LRP2: variants seen among roughly 807,000 people sequenced by gnomAD.
The protein encoded by LRP2 is low-density lipoprotein receptor-related protein 2.
LRP2 carries 172 observed loss-of-function variants against 531.0 expected under a neutral mutation model. The ratio of observed to expected loss-of-function variants is 0.32; its 90% CI spans 0.29 to 0.37. The LOEUF (loss-of-function observed/expected upper bound fraction) is 0.37. Among genes scored for constraint, LRP2 ranks in the 10% least tolerant of loss-of-function variants. LRP2 has a pLI of 1.00. For synonymous variants in LRP2, 1,992 were observed against 2,027.6 expected, an observed-to-expected ratio of 0.98 and a Z score of 0.47; for missense variants, 5,167 against 5,868.3, an observed-to-expected ratio of 0.88 and a Z score of 3.90.
At chr2:169,309,436 A>G (rs1684527907) in intron 3 of LRP2, among the ~76,000 whole-genome samples, 1 of 152,136 alleles carries the variant, frequency 6.6e-6, no homozygotes, top group Non-Finnish European at 1.5e-5. Context: ...TCAGCTTTCT[A>G]CATATGGCTA....
In LRP2 at chr2:169,277,905, G is replaced by C. The variant is rs377194764; in HGVS notation, c.1612C>G (p.Leu538Val). The C allele has an allele frequency of 1.9e-6, 3 of 1,613,930 alleles. No homozygotes were observed. The highest frequency in any genetic ancestry group is 2.2e-5 in the East Asian group (1 of 44,868). Residue 538 changes from leucine to valine, a missense_variant, in exon 13 of 79, where the codon CTG (leucine) becomes GTG (valine). Leu to Val is a conservative substitution (Grantham distance 32). Around this residue, in one of 6 missense-constraint regions of LRP2, gnomAD observed 2,811 missense variants for 3,058.0 expected, o/e 0.92. Coordinates refer to ENST00000649046, the MANE Select transcript of LRP2 (RefSeq NM_004525.3). ...CTGCCATCCATGAATGCCCTTTCCA[G>C]CTTAGGTTCCCCAGAAAGGCTCTCC... ...DWESLSGEPK[L>V]ERAFMDGSNR...
At chr2:169,357,863 C>T (rs983591255) in intron 1 of LRP2, among the ~76,000 whole-genome samples, 1 of 152,052 alleles carries the variant, frequency 6.6e-6, no homozygotes, top group Non-Finnish European at 1.5e-5. Context: ...CTAATAATTA[C>T]CTTTAGTAAG....
At chr2:169,198,716 C>A in intron 45 of LRP2, 70 bp downstream of exon 45, 1 of 1,578,640 alleles carries the variant, frequency 6.3e-7, no homozygotes, top group Non-Finnish European at 8.7e-7. Flanking sequence ...ACCCACGCTT[C>A]ATATCTTTGT....
chr2:169,142,918 C>A, intron 70 of LRP2, 125 bp from the exon 71 acceptor site: 2 of 1,017,314 alleles, frequency 2.0e-6, no homozygotes, highest in South Asian at 1.3e-5. Context: ...CTCTCGTCCA[C>A]GTGTCAGCTG....
chr2:169,213,942 C>A lies in LRP2; in HGVS notation c.5827-72G>T, dbSNP rs185315421. ...TTTTGAACATTTAAACACTAATATT[C>A]TCCTAATTATAATGTCTCACATTTA... On this transcript the variant is annotated intron_variant, in intron 35 of 78. Transcript: ENST00000649046. 59 of 984,474 alleles carry A rather than the reference C, an allele frequency of 6.0e-5. No individual in the cohort carries two copies. The African/African-American group carries it at 8.6e-4, about 14-fold the overall frequency. 61.0% of individuals were successfully genotyped at this position (984,474 alleles called of 1,614,324 possible). A position where few individuals can be genotyped will look rare whatever the true frequency, so the allele number is the denominator to read the frequency against.
Position 169,185,910 on chromosome 2 carries a change from G to C in LRP2, c.9438C>G (p.Asp3146Glu). 2 of 1,613,974 alleles carry C rather than the reference G, an allele frequency of 1.2e-6. No individual in the cohort carries two copies. Among genetic ancestry groups the C allele is most frequent in the South Asian group, 1.1e-5 (1 of 91,066 alleles). ...CATCAATATCAACACAAGTCCGCTT[G>C]TCAGACATGAGCTTGTAACCAGGAC... The part of the protein sequence containing the change: ...SCRPGYKLMS[D>E]KRTCVDIDEC... Residue 3146 changes from aspartate (D) to glutamate (E), a missense_variant, in exon 50 of 79, where the codon GAC becomes GAG. This residue lies in a region of LRP2 where 1,129 missense variants were observed against 1,362.7 expected (regional missense o/e 0.83). Coordinates refer to ENST00000649046, the MANE Select transcript of LRP2 (RefSeq NM_004525.3).
At chr2:169,293,563 T>A (rs572754828) in intron 6 of LRP2, among the ~76,000 whole-genome samples, 1 of 152,232 alleles carries the variant, frequency 6.6e-6, no homozygotes, top group South Asian at 2.1e-4. Context: ...TGATCCCAGC[T>A]ATTCGGGAGG....
chr2:169,212,741 A>G (rs540673330), intron 36 of LRP2, among the ~76,000 whole-genome samples: 75 of 143,184 alleles, frequency 5.2e-4, no homozygotes, highest in African/African-American at 1.7e-3. Context: ...AGGCCTAAGA[A>G]TGATACAATG....
chr2:169,306,040 A>C (rs1458963161), intron 4 of LRP2, among the ~76,000 whole-genome samples: 3 of 152,086 alleles, frequency 2.0e-5, no homozygotes, highest in Non-Finnish European at 4.4e-5. Flanking sequence ...CTAATAATAC[A>C]TTTCTCAGAA....
At chr2:169,148,852 TC>T (rs2105351114) in intron 68 of LRP2, among the ~76,000 whole-genome samples, 1 of 152,290 alleles carries the variant, frequency 6.6e-6, no homozygotes, top group Non-Finnish European at 1.5e-5. Flanking sequence ...AGGTTCTATG[TC>T]AGTCCCACTT....
intron 1 of LRP2, among the ~76,000 whole-genome samples, chr2:169,349,569 C>G (rs760630015): frequency 2.0e-5 from 3 of 152,062 alleles, no homozygotes; most frequent in Non-Finnish European, 4.4e-5. Flanking sequence ...ATGCAGCTTC[C>G]CCTTATAGGA....
At chr2:169,345,945 C>T (rs1478973455) in intron 1 of LRP2, among the ~76,000 whole-genome samples, 1 of 152,202 alleles carries the variant, frequency 6.6e-6, no homozygotes, top group Non-Finnish European at 1.5e-5. Flanking sequence ...TGGAGGGAAT[C>T]AAAGTCCCAG....
chr2:169,279,608 C>A lies in LRP2; in HGVS notation c.1342-13G>T, dbSNP rs372705473. On this transcript the variant is annotated splice_polypyrimidine_tract_variant and intron_variant, in intron 11 of 78. Coordinates refer to ENST00000649046, the MANE Select transcript of LRP2 (RefSeq NM_004525.3). ...CAACTGAAAAAACCTGAAAGAAAAA[C>A]CAAAATTATTATATTTCTTCAGCAT... 9 of 1,523,616 alleles carry A rather than the reference C, an allele frequency of 5.9e-6. No homozygotes were observed. The Admixed American group carries it at 6.7e-5, about 11-fold the overall frequency. 94.4% of individuals were successfully genotyped at this position (1,523,616 alleles called of 1,614,324 possible).
intron 3 of LRP2, among the ~76,000 whole-genome samples, chr2:169,308,565 C>T (rs553633263): frequency 2.4e-4 from 37 of 152,230 alleles, no homozygotes; most frequent in South Asian, 1.0e-3. Context: ...TCCTTTTTTA[C>T]GGCTGCATAG....
intron 10 of LRP2, among the ~76,000 whole-genome samples, chr2:169,281,753 T>A (rs925911141): frequency 6.6e-6 from 1 of 151,398 alleles, no homozygotes; most frequent in African/African-American, 2.4e-5. Context: ...AATAAATAAA[T>A]AAAATAATTA....
At chr2:169,160,835 T>A (rs1686557922) in intron 63 of LRP2, among the ~76,000 whole-genome samples, 1 of 152,192 alleles carries the variant, frequency 6.6e-6, no homozygotes, top group African/African-American at 2.4e-5. Flanking sequence ...AAATATTTTA[T>A]CAAGTCACTT....
At chr2:169,237,999 T>G in intron 27 of LRP2, 92 bp downstream of exon 27, 1 of 1,036,356 alleles carries the variant, frequency 9.6e-7, no homozygotes, top group East Asian at 2.5e-5. Context: ...GCTACCCAGA[T>G]GAGGTAGGGC....
At chr2:169,216,530 A>G (rs2105347812) in intron 34 of LRP2, 100 bp from the exon 35 acceptor site, 1 of 1,161,114 alleles carries the variant, frequency 8.6e-7, no homozygotes, top group East Asian at 2.4e-5. Context: ...AGATGCTCAC[A>G]ATACAATGGG....
At chr2:169,310,602 C>A (rs1272305850) in intron 3 of LRP2, among the ~76,000 whole-genome samples, 1 of 152,210 alleles carries the variant, frequency 6.6e-6, no homozygotes, top group East Asian at 1.9e-4. Flanking sequence ...ATTGGGTTTG[C>A]CAGTATTTCA....
Sources: allele counts gnomAD v4.1 joint callset (sites outside exome capture counted in the v4.1 genomes callset), GRCh38; gene constraint gnomAD v4.1.1; regional missense constraint gnomAD v4.1.1; transcripts MANE v1.5; gene names NCBI Gene and HGNC (gene_info 2026-07-23, HGNC 2026-07-21).